The following ZNF446 variants were observed in gnomAD, a reference collection of about 807,000 sequenced individuals.
ZNF446 encodes zinc finger protein 446.
In ZNF446, 42 loss-of-function variants were observed where a neutral mutation model predicts 34.0. That is an observed-to-expected ratio of 1.23 (90% CI 0.96 to 1.60). The LOEUF (loss-of-function observed/expected upper bound fraction) is 1.60, where lower values mean the gene tolerates loss of function less well. Among genes scored for constraint, ZNF446 ranks in the 40% most tolerant of loss-of-function variants. ZNF446 has a pLI of 0.00. For synonymous variants in ZNF446, 315 were observed against 251.0 expected, an observed-to-expected ratio of 1.25 and a Z score of -2.41; for missense variants, 650 against 600.2, an observed-to-expected ratio of 1.08 and a Z score of -0.87.
At chr19:58,488,725 C>G in the ZNF446 span, among the ~76,000 whole-genome samples, 1 of 151,692 alleles carries the variant, frequency 6.6e-6, no homozygotes. Context: ...GTAGCAGGCA[C>G]CTGTAGTCCC....
In ZNF446 at chr19:58,477,552, T is replaced by C; in HGVS notation, c.334T>C (p.Leu112=). 3 of 1,612,170 alleles carry C rather than the reference T, an allele frequency of 1.9e-6. No individual in the cohort carries two copies. The highest frequency in any genetic ancestry group is 2.5e-6 in the Non-Finnish European group (3 of 1,178,958). ...ACTGCAGCATGACCCTGGGCAACTG[T>C]TGGGCTGGGTGAGTGTGGCTGGCAT... ...EGLQHDPGQL[L]GWITAHVLKQ... Residue 112 remains leucine (L), a synonymous_variant, in exon 2 of 7, where the codon TTG becomes CTG. Transcript: ENST00000594369.
At position 58,477,562 on chromosome 19, in the gene ZNF446, T is replaced by C. The variant is rs2053099469; in HGVS notation, c.342+2T>C. The C allele has an allele frequency of 6.2e-7, 1 of 1,611,894 alleles. No homozygotes were observed. Among genetic ancestry groups the C allele is most frequent in the African/African-American group, 1.3e-5 (1 of 74,882 alleles). On this transcript the variant is annotated splice_donor_variant, in intron 2 of 6. Coordinates refer to ENST00000594369, the MANE Select transcript of ZNF446 (RefSeq NM_017908.4). LOFTEE classifies it high-confidence loss of function. ...GACCCTGGGCAACTGTTGGGCTGGG[T>C]GAGTGTGGCTGGCATCAGCTTCTTG...
At position 58,477,246 on chromosome 19, in the gene ZNF446, C is replaced by T. The variant is rs781019305; in HGVS notation, c.28C>T (p.Leu10=). The change falls in exon 2 of 7, where the codon CTG becomes TTG. Residue 10 remains leucine, a synonymous_variant. Coordinates refer to ENST00000594369, the MANE Select transcript of ZNF446 (RefSeq NM_017908.4). MPSPLGPPC[L]PVMDPETTLE... is the part of the protein sequence containing the mutation. ...GCCATCCCCTCTGGGTCCCCCATGC[C>T]TGCCCGTCATGGACCCAGAGACCAC... is the stretch of plus-strand genomic sequence containing the variant. 6.3e-7 allele frequency: 1 copy of T among 1,590,870 alleles called. No homozygotes were observed. Among genetic ancestry groups the T allele is most frequent in the Admixed American group, 1.7e-5 (1 of 58,274 alleles).
intron 4 of ZNF446, among the ~76,000 whole-genome samples, chr19:58,478,977 T>C (rs1250645856): frequency 1.3e-5 from 2 of 152,236 alleles, no homozygotes; most frequent in African/African-American, 4.8e-5. Flanking sequence ...GAAGCTCAGC[T>C]TGAGGCCTCT....
downstream of ZNF446, among the ~76,000 whole-genome samples, chr19:58,485,936 T>C (rs534730336): frequency 1.4e-4 from 21 of 152,170 alleles, no homozygotes; most frequent in African/African-American, 4.6e-4. Flanking sequence ...TTTGTTTGTT[T>C]TGAGACAGAG....
rs1181364886 is a variant in ZNF446, at chr19:58,481,203, T to G, written c.*477T>G. ...CTCCTGCTCCCTGTGTGTGTTAGAA[T>G]TTTAACATAAATTCCACTTTCATAA... On this transcript the variant is annotated 3_prime_UTR_variant, in exon 7 of 7. Transcript: ENST00000594369. The G allele has an allele frequency of 6.2e-6, 1 of 160,526 alleles. No homozygotes were observed. The highest frequency in any genetic ancestry group is 1.8e-4 in the East Asian group (1 of 5,444). The allele number at this position is 160,526 out of a possible 1,614,324, so 9.9% of individuals were successfully genotyped here. A position where few individuals can be genotyped will look rare whatever the true frequency, so the allele number is the denominator to read the frequency against.
downstream of ZNF446, among the ~76,000 whole-genome samples, chr19:58,482,626 C>T (rs891698702): frequency 2.0e-5 from 3 of 152,140 alleles, no homozygotes; most frequent in East Asian, 1.9e-4. Flanking sequence ...AACCCTGCTG[C>T]GGCCTGAAGC....
At chr19:58,478,683 A>AC (rs1362587815) in intron 4 of ZNF446, among the ~76,000 whole-genome samples, 4 of 152,028 alleles carry the variant, frequency 2.6e-5, no homozygotes, top group African/African-American at 9.7e-5. Flanking sequence ...AAAAAAAAAA[A>AC]AGGATTTGGG....
chr19:58,479,840 T>C, intron 5 of ZNF446, 90 bp from the exon 6 acceptor site: 8 of 1,405,380 alleles, frequency 5.7e-6, no homozygotes, highest in Non-Finnish European at 7.9e-6. Context: ...CTCTCCCACC[T>C]TCCAGAGGAA....
the ZNF446 span, among the ~76,000 whole-genome samples, chr19:58,488,820 C>G: frequency 7.1e-6 from 1 of 140,554 alleles, no homozygotes; most frequent in African/African-American, 2.7e-5. Context: ...CACTGCACTC[C>G]AGCCTGGGTG....
chr19:58,486,725 G>GGA, the ZNF446 span, among the ~76,000 whole-genome samples: 1 of 148,900 alleles, frequency 6.7e-6, no homozygotes, highest in Non-Finnish European at 1.5e-5. Flanking sequence ...TTTGGGGGGG[G>GGA]GCGGGGAGAG....
chr19:58,482,677 C>T (rs1002929245), downstream of ZNF446, among the ~76,000 whole-genome samples: 2 of 152,180 alleles, frequency 1.3e-5, no homozygotes, highest in Non-Finnish European at 2.9e-5. Context: ...TCTTCCCCAT[C>T]CCCTTTTATG....
intron 4 of ZNF446, chr19:58,479,367 C>T (rs141228969): frequency 3.2e-5 from 14 of 434,892 alleles, no homozygotes; most frequent in Non-Finnish European, 5.4e-5. Context: ...GTTCATTCCT[C>T]GATAAAGTCA....
At chr19:58,482,278 A>C (rs1283521092), downstream of ZNF446, among the ~76,000 whole-genome samples, 1 of 151,446 alleles carries the variant, frequency 6.6e-6, no homozygotes, top group Non-Finnish European at 1.5e-5. Context: ...GCTCTCTGAC[A>C]CCCATCGATC....
chr19:58,478,462 G>A (rs901294509), intron 4 of ZNF446, among the ~76,000 whole-genome samples: 4 of 152,060 alleles, frequency 2.6e-5, no homozygotes, highest in Admixed American at 1.3e-4. Context: ...TCAGGAGCTC[G>A]AGACCAGCCT....
At chr19:58,486,976 T>C in the ZNF446 span, among the ~76,000 whole-genome samples, 1 of 145,910 alleles carries the variant, frequency 6.9e-6, no homozygotes, top group South Asian at 2.2e-4. Flanking sequence ...CTAATTTTTG[T>C]ATTTTAGTAG....
At chr19:58,477,042 T>C (rs538007556) in intron 1 of ZNF446, 137 bp from the exon 2 acceptor site, 276 of 579,194 alleles carry the variant, frequency 4.8e-4, no homozygotes, top group African/African-American at 4.7e-3. Context: ...CCTCCTTCCA[T>C]GAAGCTTTCT....
intron 4 of ZNF446, 118 bp from the exon 5 acceptor site, chr19:58,479,525 G>C: frequency 2.0e-6 from 2 of 1,010,460 alleles, no homozygotes; most frequent in South Asian, 3.2e-5. Flanking sequence ...TTCTCAGCAG[G>C]AGGGGCAGAT....
In ZNF446 at chr19:58,477,528, C is replaced by T. The variant is rs1319655047; in HGVS notation, c.310C>T (p.Leu104=). The part of the protein sequence containing the change: ...PEEAAALVEG[L]QHDPGQLLGW... ...GGAGGCCGCTGCCCTAGTCGAAGGA[C>T]TGCAGCATGACCCTGGGCAACTGTT... The change falls in exon 2 of 7, where the codon CTG becomes TTG. Residue 104 remains leucine, a synonymous_variant. Coordinates refer to ENST00000594369, the MANE Select transcript of ZNF446 (RefSeq NM_017908.4). 1.9e-6 allele frequency: 3 copies of T among 1,612,228 alleles called. No individual in the cohort carries two copies. Among genetic ancestry groups the T allele is most frequent in the Non-Finnish European group, 2.5e-6 (3 of 1,179,102 alleles).
Sources: allele counts gnomAD v4.1 joint callset (sites outside exome capture counted in the v4.1 genomes callset), GRCh38; gene constraint gnomAD v4.1.1; transcripts MANE v1.5; gene names NCBI Gene and HGNC (gene_info 2026-07-23, HGNC 2026-07-21).